The following PCDHA10 variants were observed in gnomAD, a reference collection of about 807,000 sequenced individuals.
PCDHA10 encodes the protein protocadherin alpha-10.
PCDHA10 carries 45 observed loss-of-function variants against 61.2 expected under a neutral mutation model. The observed-to-expected ratio is 0.74, with a 90% CI of 0.58 to 0.94. PCDHA10 has a LOEUF of 0.94. Ranked by LOEUF, PCDHA10 falls within the 40% of genes least tolerant of loss-of-function variation. The pLI is 0.00. For synonymous variants in PCDHA10, 602 were observed against 548.8 expected (o/e 1.10, Z -1.35); for missense variants, 1,278 against 1,236.2 (o/e 1.03, Z -0.51).
At chr5:140,882,534 G>C in intron 1 of PCDHA10, 1 of 1,614,204 alleles carries the variant, frequency 6.2e-7, no homozygotes. Flanking sequence ...GTGAATTCTC[G>C]GATCGACCGC....
At chr5:140,882,070 C>A in intron 1 of PCDHA10, 1 of 854,286 alleles carries the variant, frequency 1.2e-6, no homozygotes, top group Non-Finnish European at 1.8e-6. Context: ...CGTTCATGCG[C>A]ATGGTGTCGC....
intron 1 of PCDHA10, among the ~76,000 whole-genome samples, chr5:140,912,895 A>G (rs781884731): frequency 4.6e-5 from 7 of 152,212 alleles, no homozygotes; most frequent in Non-Finnish European, 1.0e-4. Context: ...TGTTGATATG[A>G]TGTATCATAT....
chr5:140,881,353 G>A (rs537796043), intron 1 of PCDHA10: 1 of 985,178 alleles, frequency 1.0e-6, no homozygotes, highest in East Asian at 1.1e-4. Flanking sequence ...GCTACAATGC[G>A]TGGCTTTCGT....
At chr5:140,975,475 A>G (rs546732390) in intron 1 of PCDHA10, among the ~76,000 whole-genome samples, 5 of 152,368 alleles carry the variant, frequency 3.3e-5, no homozygotes, top group African/African-American at 1.2e-4. Flanking sequence ...TCTGCCTATC[A>G]GTTTATATCA....
Position 140,895,882 on chromosome 5 carries a change from G to C in PCDHA10, c.2388+37446G>C, listed in dbSNP as rs1014874596. Among the ~76,000 whole-genome samples the C allele has an allele frequency of 5.3e-5, 8 of 152,250 alleles. No individual in the cohort carries two copies. The East Asian group carries it at 9.6e-4, about 18-fold the overall frequency. On this transcript the variant is annotated intron_variant, in intron 1 of 3. Coordinates refer to ENST00000307360, the MANE Select transcript of PCDHA10 (RefSeq NM_018901.4). ...GCTGGAGTGCAATGGCGCGATCTCGGCTCACTGCAACCTCCGCGTCCCGGG... is the reference window on the plus strand; with the variant it reads ...GCTGGAGTGCAATGGCGCGATCTCGCCTCACTGCAACCTCCGCGTCCCGGG...
At chr5:140,932,091 T>G (rs904157159) in intron 1 of PCDHA10, among the ~76,000 whole-genome samples, 1 of 151,872 alleles carries the variant, frequency 6.6e-6, no homozygotes, top group Non-Finnish European at 1.5e-5. Context: ...GAAAACATGG[T>G]TTTTATCTCT....
chr5:140,876,206 C>T, intron 1 of PCDHA10: 1 of 1,613,864 alleles, frequency 6.2e-7, no homozygotes, highest in South Asian at 1.1e-5. Context: ...TTTGATAAGC[C>T]CAGCTATAAA....
intron 1 of PCDHA10, chr5:140,969,131 A>G: frequency 6.2e-7 from 1 of 1,614,138 alleles, no homozygotes; most frequent in South Asian, 1.1e-5. Flanking sequence ...CTCCCTCACC[A>G]AGACCTACTG....
intron 1 of PCDHA10, chr5:140,863,153 A>T (rs1554157836): frequency 1.6e-6 from 1 of 625,716 alleles, no homozygotes; most frequent in South Asian, 1.4e-5. Flanking sequence ...GTGAAGGACC[A>T]CTGCGAGCTG....
At chr5:140,967,809 A>G in intron 1 of PCDHA10, 1 of 1,614,190 alleles carries the variant, frequency 6.2e-7, no homozygotes. Flanking sequence ...ATGGCAGGTC[A>G]CTGCAAGGTG....
chr5:140,928,697 G>C, intron 1 of PCDHA10: 9 of 1,614,124 alleles, frequency 5.6e-6, no homozygotes, highest in Non-Finnish European at 5.9e-6. Context: ...CACATCTCCC[G>C]GGCGTCTGAC....
At chr5:140,908,933 C>T (rs1554193565) in intron 1 of PCDHA10, among the ~76,000 whole-genome samples, 1 of 152,186 alleles carries the variant, frequency 6.6e-6, no homozygotes, top group East Asian at 1.9e-4. Context: ...AATGCAGCAA[C>T]TTATCCTTCA....
At chr5:140,931,717 C>G (rs2087694120) in intron 1 of PCDHA10, among the ~76,000 whole-genome samples, 1 of 151,872 alleles carries the variant, frequency 6.6e-6, no homozygotes, top group Admixed American at 6.6e-5. Flanking sequence ...AAAATAACTT[C>G]TATAAATATG....
At chr5:140,873,693 C>T (rs1554166841) in intron 1 of PCDHA10, among the ~76,000 whole-genome samples, 1 of 152,156 alleles carries the variant, frequency 6.6e-6, no homozygotes, top group Non-Finnish European at 1.5e-5. Context: ...TAGAGTCTTG[C>T]TCTATCACCC....
intron 1 of PCDHA10, chr5:140,876,140 C>T: frequency 6.2e-7 from 1 of 1,613,944 alleles, no homozygotes; most frequent in East Asian, 2.2e-5. Context: ...CCAGAACTAA[C>T]AGGGTCTGTC....
chr5:140,968,801 G>T, intron 1 of PCDHA10: 1 of 1,614,216 alleles, frequency 6.2e-7, no homozygotes, highest in Non-Finnish European at 8.5e-7. Context: ...CATTACAGTA[G>T]CTGTGGTGGA....
intron 3 of PCDHA10, among the ~76,000 whole-genome samples, chr5:140,988,083 G>A (rs957131929): frequency 1.3e-5 from 2 of 152,292 alleles, no homozygotes; most frequent in Middle Eastern, 3.4e-3. Context: ...TCATGAGTGA[G>A]TGCAGCCTCG....
intron 1 of PCDHA10, among the ~76,000 whole-genome samples, chr5:140,897,136 A>G (rs1206983852): frequency 6.6e-6 from 1 of 152,096 alleles, no homozygotes; most frequent in Admixed American, 6.5e-5. Context: ...TAAACTTTCT[A>G]GCCTTTGTTA....
intron 1 of PCDHA10, chr5:140,884,016 G>C (rs143828814): frequency 1.2e-6 from 2 of 1,613,208 alleles, no homozygotes; most frequent in Non-Finnish European, 8.5e-7. Flanking sequence ...CTGATGCCGC[G>C]GTCGGTGGGT....
Sources: gnomAD v4.1 joint callset for allele counts (sites outside exome capture counted in the v4.1 genomes callset) on GRCh38, gnomAD v4.1.1 for gene constraint, MANE v1.5 for transcripts, NCBI Gene and HGNC (gene_info 2026-07-23, HGNC 2026-07-21) for gene names.